Variants in NANOS1 observed in about 807,000 individuals in gnomAD.
NANOS1 encodes the protein nanos homolog 1.
NANOS1 carries 1 observed loss-of-function variant against 1.1 expected under a neutral mutation model. The observed-to-expected ratio is 0.88, with a 90% CI of 0.31 to 4.20. The LOEUF is 4.20. NANOS1 is among the 30% of genes most tolerant of loss of function. The pLI is 0.17. For missense variants in NANOS1, 537 were observed against 457.9 expected (o/e 1.17, Z -1.58); for synonymous variants, 252 against 230.6 (o/e 1.09, Z -0.84).
Position 119,029,817 on chromosome 10 carries a change from T to C in NANOS1, c.16T>C (p.Trp6Arg). ...CAGCCCGCCCATGGAGGCTTTCCCC[T>C]GGGCGCCCCGCTCGCCCCGCCGCGG... The part of the protein sequence containing the change: MEAFP[W>R]APRSPRRGRA... The change falls in exon 1 of 1, where the codon TGG (tryptophan) becomes CGG (arginine). Residue 6 changes from tryptophan (W) to arginine (R), a missense_variant. Coordinates refer to ENST00000425699, the MANE Select transcript of NANOS1 (RefSeq NM_199461.4). 1 of 1,146,390 alleles carries C rather than the reference T, an allele frequency of 8.7e-7. No homozygotes were observed. 71.0% of individuals were successfully genotyped at this position (1,146,390 alleles called of 1,614,324 possible).
rs992224634 is a variant in NANOS1, at chr10:119,033,023, C to G, written c.*2343C>G. 1 of 165,014 alleles carries G rather than the reference C, an allele frequency of 6.1e-6. No individual in the cohort carries two copies. The highest frequency in any genetic ancestry group is 1.5e-5 in the Non-Finnish European group (1 of 68,156). The allele number at this position is 165,014 out of a possible 1,614,324, so 10.2% of individuals were successfully genotyped here. A position where few individuals can be genotyped will look rare whatever the true frequency, so the allele number is the denominator to read the frequency against. ...CCAGCCTGGCCAACATGGCGAAGCC[C>G]CGTCTCTACTAAAAATACAAAAATT... On this transcript the variant is annotated 3_prime_UTR_variant, in exon 1 of 1. Coordinates refer to ENST00000425699, the MANE Select transcript of NANOS1 (RefSeq NM_199461.4).
chr10:119,030,520 T>A lies in NANOS1; in HGVS notation c.719T>A (p.Leu240Gln), dbSNP rs371838297. Residue 240 changes from leucine to glutamine, a missense_variant, in exon 1 of 1, where the codon CTG (leucine) becomes CAG (glutamine). Transcript: ENST00000425699. The surrounding 1 kb of genome is among the most constrained non-coding windows in gnomAD (Gnocchi z 5.3). Reference sequence around the variant, plus strand: ...CTCAAGGGCCCCGACGGGCGAGTGCTGTGTCCCGTGCTGCGCCGCTACACG... The same window carrying A: ...CTCAAGGGCCCCGACGGGCGAGTGCAGTGTCCCGTGCTGCGCCGCTACACG... ...HILKGPDGRVLCPVLRRYTCP... is the reference protein window; with the variant it reads ...HILKGPDGRVQCPVLRRYTCP... 1.3e-5 allele frequency: 20 copies of A among 1,520,294 alleles called. No homozygotes were observed. The highest frequency in any genetic ancestry group is 1.7e-5 in the Non-Finnish European group (19 of 1,137,792). 94.2% of individuals were successfully genotyped at this position (1,520,294 alleles called of 1,614,324 possible).
In NANOS1 at chr10:119,030,169, T is replaced by C; in HGVS notation, c.368T>C (p.Leu123Pro). The C allele has an allele frequency of 7.4e-7, 1 of 1,348,228 alleles. No homozygotes were observed. The highest frequency in any genetic ancestry group is 9.5e-7 in the Non-Finnish European group (1 of 1,055,594). The allele number at this position is 1,348,228 out of a possible 1,614,324, so 83.5% of individuals were successfully genotyped here. ...GAGCCGGGGTCCCGGGGCCGCTACC[T>C]GGGGAGCGCGCTGGAATTGCGCGCG... ...SDEPGSRGRY[L>P]GSALELRALE... Residue 123 changes from leucine to proline, a missense_variant, in exon 1 of 1, where the codon CTG (leucine) becomes CCG (proline). Physicochemically the swap from Leu to Pro is moderately conservative, Grantham distance 98. Transcript: ENST00000425699. The surrounding 1 kb of genome is among the most constrained non-coding windows in gnomAD (Gnocchi z 5.3).
rs573736223 is a variant in NANOS1 at position 119,030,692 on chromosome 10, C to T, written c.*12C>T. 5 of 1,284,992 alleles carry T rather than the reference C, an allele frequency of 3.9e-6. No individual in the cohort carries two copies. The highest frequency in any genetic ancestry group is 4.9e-6 in the Non-Finnish European group (5 of 1,017,928). The allele number at this position is 1,284,992 out of a possible 1,614,324, so 79.6% of individuals were successfully genotyped here. ...AGAAGCTGCGCTGAAGGCCCGGGCTCCCGGCCGCCCAGGGTCGCCGCCGCC... is the reference window on the plus strand; with the variant it reads ...AGAAGCTGCGCTGAAGGCCCGGGCTTCCGGCCGCCCAGGGTCGCCGCCGCC... On this transcript the variant is annotated 3_prime_UTR_variant, in exon 1 of 1. Coordinates refer to ENST00000425699, the MANE Select transcript of NANOS1 (RefSeq NM_199461.4). This position sits in a 1 kb window ranked among gnomAD's most constrained non-coding sequence, Gnocchi z 5.3.
Position 119,033,333 on chromosome 10 carries a change from G to A in NANOS1, c.*2653G>A, listed in dbSNP as rs1256112773. On this transcript the variant is annotated 3_prime_UTR_variant, in exon 1 of 1. Coordinates refer to ENST00000425699, the MANE Select transcript of NANOS1 (RefSeq NM_199461.4). ...TAGGGTTCTCTTATGAAAAGTATAT[G>A]TAAACACATTCATTTAAAAATCCTT... 1 of 167,084 alleles carries A rather than the reference G, an allele frequency of 6.0e-6. No individual in the cohort carries two copies. The highest frequency in any genetic ancestry group is 6.5e-5 in the Admixed American group (1 of 15,282). 10.4% of individuals were successfully genotyped at this position (167,084 alleles called of 1,614,324 possible).
In NANOS1 at chr10:119,030,128, CG is replaced by C; in HGVS notation, c.328del (p.Asp110ThrfsTer42). The C allele has an allele frequency of 1.3e-5, 18 of 1,342,550 alleles. No individual in the cohort carries two copies. Among genetic ancestry groups the C allele is most frequent in the Non-Finnish European group, 1.7e-5 (18 of 1,050,528 alleles). The allele number at this position is 1,342,550 out of a possible 1,614,324, so 83.2% of individuals were successfully genotyped here. ...LGPPDYDEDD[D>X]DDSDEPGSRG... ...GGCCGCCCGACTACGACGAGGACGA[CG>C]ACGACGACAGCGACGAGCCGGGGTC... On this transcript the variant is annotated frameshift_variant, in exon 1 of 1. Transcript: ENST00000425699. LOFTEE classifies it low-confidence loss of function (END_TRUNC). This position sits in a 1 kb window ranked among gnomAD's most constrained non-coding sequence, Gnocchi z 5.3.
chr10:119,030,179 G>A lies in NANOS1; in HGVS notation c.378G>A (p.Ala126=), dbSNP rs1385994583. The change falls in exon 1 of 1, where the codon GCG becomes GCA. Residue 126 remains alanine (A), a synonymous_variant. Transcript: ENST00000425699. The surrounding 1 kb of genome is among the most constrained non-coding windows in gnomAD (Gnocchi z 5.3). Reference sequence around the variant, plus strand: ...CCCGGGGCCGCTACCTGGGGAGCGCGCTGGAATTGCGCGCGCTGGAGCTGT... The same window carrying A: ...CCCGGGGCCGCTACCTGGGGAGCGCACTGGAATTGCGCGCGCTGGAGCTGT... ...PGSRGRYLGS[A]LELRALELCA... 3.0e-6 allele frequency: 4 copies of A among 1,342,658 alleles called. No homozygotes were observed. The highest frequency in any genetic ancestry group is 1.9e-5 in the South Asian group (1 of 52,276). The allele number at this position is 1,342,658 out of a possible 1,614,324, so 83.2% of individuals were successfully genotyped here.
Position 119,031,590 on chromosome 10 carries a change from T to C in NANOS1, c.*910T>C, listed in dbSNP as rs372961493. ...ACCCTCTTCCAGTTCTTTAAAAACG[T>C]TTATGATATTAAGATCAAAGGGAGG... On this transcript the variant is annotated 3_prime_UTR_variant, in exon 1 of 1. Coordinates refer to ENST00000425699, the MANE Select transcript of NANOS1 (RefSeq NM_199461.4). 9 of 167,004 alleles carry C rather than the reference T, an allele frequency of 5.4e-5. No individual in the cohort carries two copies. The highest frequency in any genetic ancestry group is 2.2e-4 in the African/African-American group (9 of 41,578). The allele number at this position is 167,004 out of a possible 1,614,324, so 10.3% of individuals were successfully genotyped here.
chr10:119,030,149 G>A lies in NANOS1; in HGVS notation c.348G>A (p.Pro116=). 7.4e-7 allele frequency: 1 copy of A among 1,358,238 alleles called. No individual in the cohort carries two copies. The highest frequency in any genetic ancestry group is 9.4e-7 in the Non-Finnish European group (1 of 1,060,228). The allele number at this position is 1,358,238 out of a possible 1,614,324, so 84.1% of individuals were successfully genotyped here. ...DEDDDDDSDE[P]GSRGRYLGSA... ...ACGACGACGACGACAGCGACGAGCC[G>A]GGGTCCCGGGGCCGCTACCTGGGGA... Residue 116 remains proline, a synonymous_variant, in exon 1 of 1, where the codon CCG becomes CCA. Transcript: ENST00000425699. The surrounding 1 kb of genome is among the most constrained non-coding windows in gnomAD (Gnocchi z 5.3).
chr10:119,033,191 C>A lies in NANOS1; in HGVS notation c.*2511C>A, dbSNP rs546808. ...AGCCTGAGCAACAGAGCGACTCTGT[C>A]TCCAAAAAAGAAAAAAAGTACCCCA... On this transcript the variant is annotated 3_prime_UTR_variant, in exon 1 of 1. Transcript: ENST00000425699. The A allele has an allele frequency of 0.85, 142,014 of 167,032 alleles. 63,760 individuals carry two copies. Among genetic ancestry groups the A allele is most frequent in the Non-Finnish European group, 0.97 (66,117 of 68,128 alleles). 10.3% of individuals were successfully genotyped at this position (167,032 alleles called of 1,614,324 possible).
chr10:119,031,472 GCT>G lies in NANOS1; in HGVS notation c.*793_*794del, dbSNP rs1848048654. ...ATATTGTGTATAACTTGGAAATGGT[GCT>G]GTTTAAAAAAATTGTGTATTTATAC... On this transcript the variant is annotated 3_prime_UTR_variant, in exon 1 of 1. Transcript: ENST00000425699. 2 of 167,010 alleles carry G rather than the reference GCT, an allele frequency of 1.2e-5. No individual in the cohort carries two copies. Among genetic ancestry groups the G allele is most frequent in the South Asian group, 4.2e-4 (2 of 4,818 alleles). The allele number at this position is 167,010 out of a possible 1,614,324, so 10.3% of individuals were successfully genotyped here.
At position 119,029,979 on chromosome 10, in the gene NANOS1, G is replaced by T; in HGVS notation, c.178G>T (p.Glu60Ter). Residue 60 changes from glutamate to a stop codon, truncating the protein, a stop_gained, in exon 1 of 1, where the codon GAG (glutamate) becomes TAG (stop). Transcript: ENST00000425699. LOFTEE classifies it low-confidence loss of function (END_TRUNC). Reference sequence around the variant, plus strand: ...GCTCATCACCAAAGCGGTGGACGGCGAGCCGCGCTTCGGCTGCGCCCGCGG... The same window carrying T: ...GCTCATCACCAAAGCGGTGGACGGCTAGCCGCGCTTCGGCTGCGCCCGCGG... Reference protein sequence around the residue: ...ATLITKAVDGEPRFGCARGGN... With the variant: ...ATLITKAVDG The T allele has an allele frequency of 7.1e-7, 1 of 1,411,706 alleles. No homozygotes were observed. Among genetic ancestry groups the T allele is most frequent in the South Asian group, 1.5e-5 (1 of 67,358 alleles). The allele number at this position is 1,411,706 out of a possible 1,614,324, so 87.4% of individuals were successfully genotyped here. A position where few individuals can be genotyped will look rare whatever the true frequency, so the allele number is the denominator to read the frequency against.
Position 119,030,440 on chromosome 10 carries a change from G to A in NANOS1, c.639G>A (p.Val213=). Residue 213 remains valine (V), a synonymous_variant, in exon 1 of 1, where the codon GTG becomes GTA. Coordinates refer to ENST00000425699, the MANE Select transcript of NANOS1 (RefSeq NM_199461.4). The surrounding 1 kb of genome is among the most constrained non-coding windows in gnomAD (Gnocchi z 5.3). ...GGCTGCTGAAGCCCGAGCTGCAGGT[G>A]TGCGTGTTCTGCCGGAACAACAAGG... ...AARLLKPELQ[V]CVFCRNNKEA... 6.8e-7 allele frequency: 1 copy of A among 1,466,290 alleles called. No homozygotes were observed. Among genetic ancestry groups the A allele is most frequent in the Non-Finnish European group, 9.0e-7 (1 of 1,107,076 alleles). 90.8% of individuals were successfully genotyped at this position (1,466,290 alleles called of 1,614,324 possible).
Position 119,033,084 on chromosome 10 carries a change from T to A in NANOS1, c.*2404T>A, listed in dbSNP as rs900577829. ...TGTGGTGGGCGCCTGTAATCCCAGC[T>A]CCTCAGGAGGCTGAGGCAGGAGAAT... On this transcript the variant is annotated 3_prime_UTR_variant, in exon 1 of 1. Transcript: ENST00000425699. 1.2e-5 allele frequency: 2 copies of A among 166,022 alleles called. No individual in the cohort carries two copies. Among genetic ancestry groups the A allele is most frequent in the African/African-American group, 4.8e-5 (2 of 41,308 alleles). The allele number at this position is 166,022 out of a possible 1,614,324, so 10.3% of individuals were successfully genotyped here.
chr10:119,030,890 C>T lies in NANOS1; in HGVS notation c.*210C>T. 1 of 692,306 alleles carries T rather than the reference C, an allele frequency of 1.4e-6. No homozygotes were observed. Among genetic ancestry groups the T allele is most frequent in the East Asian group, 3.9e-5 (1 of 25,372 alleles). 42.9% of individuals were successfully genotyped at this position (692,306 alleles called of 1,614,324 possible). On this transcript the variant is annotated 3_prime_UTR_variant, in exon 1 of 1. Coordinates refer to ENST00000425699, the MANE Select transcript of NANOS1 (RefSeq NM_199461.4). This position sits in a 1 kb window ranked among gnomAD's most constrained non-coding sequence, Gnocchi z 5.3. ...AGACGCTGAAATCCCCATTTGTCTT[C>T]AGTTTCTAGTTTGCACATCCAGAAC...
In NANOS1 at chr10:119,030,111, G is replaced by A; in HGVS notation, c.310G>A (p.Asp104Asn). The A allele has an allele frequency of 7.5e-7, 1 of 1,328,696 alleles. No homozygotes were observed. 82.3% of individuals were successfully genotyped at this position (1,328,696 alleles called of 1,614,324 possible). A position where few individuals can be genotyped will look rare whatever the true frequency, so the allele number is the denominator to read the frequency against. ...GCTGGGGCCGGCGCTGGGGCCGCCC[G>A]ACTACGACGAGGACGACGACGACGA... ...GALGPALGPP[D>N]YDEDDDDDSD... Residue 104 changes from aspartate to asparagine, a missense_variant, in exon 1 of 1, where the codon GAC (aspartate) becomes AAC (asparagine). By Grantham distance (23) the Asp-to-Asn change is conservative (BLOSUM62 1). Transcript: ENST00000425699. This position sits in a 1 kb window ranked among gnomAD's most constrained non-coding sequence, Gnocchi z 5.3.
At position 119,032,292 on chromosome 10, in the gene NANOS1, T is replaced by C. The variant is rs1480902337; in HGVS notation, c.*1612T>C. The C allele has an allele frequency of 1.8e-5, 3 of 166,912 alleles. No homozygotes were observed. Among genetic ancestry groups the C allele is most frequent in the Non-Finnish European group, 2.9e-5 (2 of 68,110 alleles). 10.3% of individuals were successfully genotyped at this position (166,912 alleles called of 1,614,324 possible). On this transcript the variant is annotated 3_prime_UTR_variant, in exon 1 of 1. Transcript: ENST00000425699. Reference sequence around the variant, plus strand: ...AAATACCCGATAGCTGTCTTTTTGGTGAAAGAAAAGGTGCATTTCAAGAAC... The same window carrying C: ...AAATACCCGATAGCTGTCTTTTTGGCGAAAGAAAAGGTGCATTTCAAGAAC...
Position 119,029,962 on chromosome 10 carries a change from C to T in NANOS1, c.161C>T (p.Thr54Ile). 7.0e-7 allele frequency: 1 copy of T among 1,428,644 alleles called. No homozygotes were observed. Among genetic ancestry groups the T allele is most frequent in the Non-Finnish European group, 9.2e-7 (1 of 1,091,534 alleles). The allele number at this position is 1,428,644 out of a possible 1,614,324, so 88.5% of individuals were successfully genotyped here. The change falls in exon 1 of 1, where the codon ACC becomes ATC. Residue 54 changes from threonine to isoleucine, a missense_variant. Physicochemically the swap from Thr to Ile is moderately conservative, Grantham distance 89. Transcript: ENST00000425699. ...TACCTGGGGCTCGCCACGCTCATCA[C>T]CAAAGCGGTGGACGGCGAGCCGCGC... is the stretch of plus-strand genomic sequence containing the variant. ...NDYLGLATLI[T>I]KAVDGEPRFG...
Position 119,031,352 on chromosome 10 carries a change from G to C in NANOS1, c.*672G>C, listed in dbSNP as rs1318443369. ...TAAAATGCACAATGTGTAGCAGGTA[G>C]AATACAGCTCCTTATCGTTCTATGT... On this transcript the variant is annotated 3_prime_UTR_variant, in exon 1 of 1. Coordinates refer to ENST00000425699, the MANE Select transcript of NANOS1 (RefSeq NM_199461.4). 6.0e-6 allele frequency: 1 copy of C among 167,072 alleles called. No homozygotes were observed. Among genetic ancestry groups the C allele is most frequent in the Non-Finnish European group, 1.5e-5 (1 of 68,112 alleles). 10.3% of individuals were successfully genotyped at this position (167,072 alleles called of 1,614,324 possible).
Sources: allele counts gnomAD v4.1 joint callset, GRCh38; gene constraint gnomAD v4.1.1; non-coding constraint Gnocchi (gnomAD v3.1); transcripts MANE v1.5; gene names NCBI Gene and HGNC (gene_info 2026-07-23, HGNC 2026-07-21).